ARHGAP8: variants seen among roughly 807,000 people sequenced by gnomAD.
The protein encoded by ARHGAP8 is Rho GTPase activating protein 8.
In ARHGAP8, 62 loss-of-function variants were observed where a neutral mutation model predicts 46.1. The ratio of observed to expected loss-of-function variants is 1.34; its 90% CI spans 1.10 to 1.66. The LOEUF is 1.66. Ranked by LOEUF, ARHGAP8 falls within the 40% of genes most tolerant of loss-of-function variation. The pLI is 0.00. For synonymous variants in ARHGAP8, 375 were observed against 243.1 expected, an observed-to-expected ratio of 1.54 and a Z score of -5.05; for missense variants, 923 against 568.4, an observed-to-expected ratio of 1.62 and a Z score of -6.34.
intron 7 of ARHGAP8, among the ~76,000 whole-genome samples, chr22:44,844,066 G>A (rs2069896308): frequency 6.6e-6 from 1 of 152,108 alleles, no homozygotes; most frequent in East Asian, 1.9e-4. Flanking sequence ...CCGCCTCCTG[G>A]GTTCAAGTGA....
intron 1 of ARHGAP8, among the ~76,000 whole-genome samples, chr22:44,755,057 A>G (rs1924561630): frequency 6.6e-6 from 1 of 152,174 alleles, no homozygotes; most frequent in Non-Finnish European, 1.5e-5. Flanking sequence ...GTGGTCACCA[A>G]ATGGCCATGA....
intron 1 of ARHGAP8, among the ~76,000 whole-genome samples, chr22:44,774,345 C>A (rs1358728963): frequency 6.6e-6 from 1 of 152,086 alleles, no homozygotes; most frequent in Non-Finnish European, 1.5e-5. Flanking sequence ...CCTATCACTG[C>A]CGATGTCTGT....
At chr22:44,860,932 G>GTT (rs1347650170) in intron 11 of ARHGAP8, among the ~76,000 whole-genome samples, 1 of 151,908 alleles carries the variant, frequency 6.6e-6, no homozygotes, top group Non-Finnish European at 1.5e-5. Flanking sequence ...TCACTTCTTG[G>GTT]TTTTACAACA....
At chr22:44,845,917 C>G (rs1351304354) in intron 8 of ARHGAP8, among the ~76,000 whole-genome samples, 2 of 152,146 alleles carry the variant, frequency 1.3e-5, no homozygotes, top group Non-Finnish European at 2.9e-5. Flanking sequence ...GGAGGCTTTC[C>G]TGGCACCACA....
intron 1 of ARHGAP8, among the ~76,000 whole-genome samples, chr22:44,765,625 G>C (rs1368034520): frequency 1.3e-5 from 2 of 152,166 alleles, no homozygotes; most frequent in Non-Finnish European, 2.9e-5. Context: ...ACCCCCTCCT[G>C]CCTGTCATGA....
In ARHGAP8 at chr22:44,862,494, G is replaced by A. The variant is rs772351105; in HGVS notation, c.1201G>A (p.Ala401Thr). The A allele has an allele frequency of 6.8e-6, 11 of 1,613,538 alleles. No homozygotes were observed. The highest frequency in any genetic ancestry group is 1.7e-5 in the Admixed American group (1 of 60,002). The change falls in exon 12 of 12, where the codon GCA becomes ACA. Residue 401 changes from alanine to threonine, a missense_variant. Coordinates refer to ENST00000356099, the MANE Select transcript of ARHGAP8 (RefSeq NM_181335.3). The stretch of plus-strand genomic sequence containing the variant: ...GGCACCATGGGAACAGGGGAGCAGG[G>A]CAGCCCCTTTGCAGGAGGCTGTGCC... ...GLAPWEQGSR[A>T]APLQEAVPRT...
At chr22:44,775,552 AT>A (rs540096432) in intron 1 of ARHGAP8, among the ~76,000 whole-genome samples, 149 of 152,030 alleles carry the variant, frequency 9.8e-4, no homozygotes, top group African/African-American at 3.4e-3. Flanking sequence ...GGTTCAAGCG[AT>A]TCTCCTGCCT....
intron 7 of ARHGAP8, among the ~76,000 whole-genome samples, chr22:44,836,108 G>T (rs1421023560): frequency 6.6e-6 from 1 of 152,162 alleles, no homozygotes; most frequent in Non-Finnish European, 1.5e-5. Flanking sequence ...CCTGCAAAGA[G>T]GGGCAGCCCT....
rs1223234991 is a variant in ARHGAP8 at position 44,862,441 on chromosome 22, C to T, written c.1148C>T (p.Thr383Ile). The change falls in exon 12 of 12, where the codon ACC becomes ATC. Residue 383 changes from threonine (T) to isoleucine (I), a missense_variant. Coordinates refer to ENST00000356099, the MANE Select transcript of ARHGAP8 (RefSeq NM_181335.3). The stretch of plus-strand genomic sequence containing the variant: ...GAGTACTATGAAAAGATCTTCAGCA[C>T]CCCGGAGGCACCTGGGGAGCACGGC... ...LIEYYEKIFS[T>I]PEAPGEHGLA... 6.8e-6 allele frequency: 11 copies of T among 1,614,104 alleles called. No homozygotes were observed. The highest frequency in any genetic ancestry group is 9.3e-6 in the Non-Finnish European group (11 of 1,180,014).
chr22:44,830,634 T>G (rs2147132647), intron 7 of ARHGAP8, among the ~76,000 whole-genome samples: 1 of 152,258 alleles, frequency 6.6e-6, no homozygotes, highest in East Asian at 1.9e-4. Flanking sequence ...CCTCCTGGGT[T>G]CAAGCGATTC....
rs529505026 is a variant in ARHGAP8, at chr22:44,759,693, G to A, written c.-72+7066G>A. 2.0e-5 allele frequency among the ~76,000 whole-genome samples: 3 copies of A among 152,360 alleles called. No homozygotes were observed. In the East Asian group the frequency reaches 5.8e-4, roughly 29 times the overall value. ...TCTTCTGTCTCAGAAGTATCCTGGAGCCTCAGGGGCCTGAAGGGAGATGGT... is the reference window on the plus strand; with the variant it reads ...TCTTCTGTCTCAGAAGTATCCTGGAACCTCAGGGGCCTGAAGGGAGATGGT... On this transcript the variant is annotated intron_variant, in intron 1 of 11. Transcript: ENST00000356099.
chr22:44,831,930 T>C (rs1162554677), intron 7 of ARHGAP8, among the ~76,000 whole-genome samples: 1 of 152,178 alleles, frequency 6.6e-6, no homozygotes, highest in Non-Finnish European at 1.5e-5. Context: ...CAATATTGTT[T>C]AGGCTATTCT....
At chr22:44,767,982 GTCTTTTTT>G (rs1925707149) in intron 1 of ARHGAP8, among the ~76,000 whole-genome samples, 1 of 69,796 alleles carries the variant, frequency 1.4e-5, no homozygotes, top group Non-Finnish European at 2.8e-5. Flanking sequence ...CCCGCATGAT[GTCTTTTTT>G]TTTTTTTTTT....
chr22:44,787,044 A>AC (rs1927305828), intron 2 of ARHGAP8, among the ~76,000 whole-genome samples: 1 of 149,370 alleles, frequency 6.7e-6, no homozygotes, highest in Non-Finnish European at 1.5e-5. Flanking sequence ...AAACAAAAAA[A>AC]AAAAAAAGAA....
At chr22:44,810,755 A>G (rs1444277967) in intron 4 of ARHGAP8, among the ~76,000 whole-genome samples, 2 of 152,038 alleles carry the variant, frequency 1.3e-5, no homozygotes, top group Admixed American at 6.6e-5. Flanking sequence ...AGCAGGGTGG[A>G]CTTTGGTGCA....
At position 44,773,143 on chromosome 22, in the gene ARHGAP8, T is replaced by TAA. The variant is rs764124647; in HGVS notation, c.-71-13313_-71-13312insAA. On this transcript the variant is annotated intron_variant, in intron 1 of 11. Coordinates refer to ENST00000356099, the MANE Select transcript of ARHGAP8 (RefSeq NM_181335.3). ...GAAGCTTTTCTTAACAAATTTGACT[T>TAA]ACGTACTAGATAGTGGGCTATTCAG... 7.7e-4 allele frequency among the ~76,000 whole-genome samples: 118 copies of TAA among 152,280 alleles called. 1 individual carries two copies. The Middle Eastern group carries it at 0.01, about 13-fold the overall frequency.
intron 7 of ARHGAP8, 37 bp from the exon 8 acceptor site, chr22:44,845,232 C>G: frequency 6.2e-7 from 1 of 1,613,328 alleles, no homozygotes; most frequent in South Asian, 1.1e-5. Flanking sequence ...CCATCAAGCT[C>G]AGGTAAAAAC....
At position 44,807,409 on chromosome 22, in the gene ARHGAP8, C is replaced by T. The variant is rs951424966; in HGVS notation, c.168-898C>T. 1.1e-4 allele frequency among the ~76,000 whole-genome samples: 16 copies of T among 149,854 alleles called. No individual in the cohort carries two copies. The East Asian group carries it at 3.1e-3, about 29-fold the overall frequency. The stretch of plus-strand genomic sequence containing the variant: ...GTAGAGCCTACACCATAGGGGGTGG[C>T]GGGCGACAGACGCAGAGCACAGTGT... On this transcript the variant is annotated intron_variant, in intron 3 of 11. Coordinates refer to ENST00000356099, the MANE Select transcript of ARHGAP8 (RefSeq NM_181335.3).
In ARHGAP8 at chr22:44,825,608, G is replaced by A. The variant is rs368045205; in HGVS notation, c.596+15G>A. 2 of 1,608,202 alleles carry A rather than the reference G, an allele frequency of 1.2e-6. No individual in the cohort carries two copies. Among genetic ancestry groups the A allele is most frequent in the Admixed American group, 1.7e-5 (1 of 59,438 alleles). On this transcript the variant is annotated intron_variant, in intron 7 of 11. Coordinates refer to ENST00000356099, the MANE Select transcript of ARHGAP8 (RefSeq NM_181335.3). ...AGTCTGCAATAGTAAGTGAGCCGGG[G>A]ATGTGCCTGCTCCTATGCCCTGGAG...
Sources: gnomAD v4.1 joint callset for allele counts (sites outside exome capture counted in the v4.1 genomes callset) on GRCh38, gnomAD v4.1.1 for gene constraint, MANE v1.5 for transcripts, NCBI Gene and HGNC (gene_info 2026-07-23, HGNC 2026-07-21) for gene names.